POLE: variants seen among roughly 807,000 people sequenced by gnomAD.
The protein encoded by POLE is DNA polymerase epsilon catalytic subunit A.
POLE carries 188 observed loss-of-function variants against 279.2 expected under a neutral mutation model. The observed-to-expected ratio is 0.67, with a 90% CI of 0.60 to 0.76. The LOEUF (loss-of-function observed/expected upper bound fraction) is 0.76, where lower values mean the gene tolerates loss of function less well. POLE is among the 30% of genes least tolerant of loss of function. The probability of loss-of-function intolerance (pLI) is 0.00; values close to 1 mark genes in which losing one functional copy is unlikely to be tolerated. For synonymous variants in POLE, 1,214 were observed against 1,172.5 expected (o/e 1.04, Z -0.72); for missense variants, 2,703 against 3,016.7 (o/e 0.90, Z 2.44).
chr12:132,677,831 C>A, intron 6 of POLE, 112 bp from the exon 7 acceptor site: 1 of 1,035,382 alleles, frequency 9.7e-7, no homozygotes, highest in Non-Finnish European at 1.4e-6. Context: ...CGAGGAAACA[C>A]AAAAGGTAAA....
At chr12:132,655,625 T>C (rs2042515658) in intron 29 of POLE, among the ~76,000 whole-genome samples, 2 of 152,194 alleles carry the variant, frequency 1.3e-5, no homozygotes, top group Admixed American at 1.3e-4. Flanking sequence ...ATTAGGTAAA[T>C]GTTTACATTA....
intron 42 of POLE, among the ~76,000 whole-genome samples, chr12:132,635,414 T>A (rs2042011577): frequency 6.6e-6 from 1 of 152,218 alleles, no homozygotes; most frequent in South Asian, 2.1e-4. Flanking sequence ...TGGTGGGTTA[T>A]CCACATGGGG....
At chr12:132,686,761 G>A (rs896562059) in intron 1 of POLE, among the ~76,000 whole-genome samples, 7 of 151,992 alleles carry the variant, frequency 4.6e-5, no homozygotes, top group Non-Finnish European at 7.4e-5. Flanking sequence ...AGGAGACGAG[G>A]TCTCTCTCTG....
rs1290848650 is a variant in POLE, at chr12:132,664,696, C to T, written c.2469-234G>A. On this transcript the variant is annotated intron_variant, in intron 21 of 48. Coordinates refer to ENST00000320574, the MANE Select transcript of POLE (RefSeq NM_006231.4). This position sits in a 1 kb window ranked among gnomAD's most constrained non-coding sequence, Gnocchi z 5.3. ...TGGAAGGGTGCAGTATGTGCCACTG[C>T]GTCCAGCCGTTCAGGACTCCAGCCT... Among the ~76,000 whole-genome samples the T allele has an allele frequency of 3.3e-5, 5 of 152,178 alleles. No individual in the cohort carries two copies. The highest frequency in any genetic ancestry group is 6.5e-5 in the Admixed American group (1 of 15,270).
Position 132,624,767 on chromosome 12 carries a change from T to C in POLE, c.6791A>G (p.His2264Arg). The change falls in exon 49 of 49, where the codon CAC becomes CGC. Residue 2264 changes from histidine (H) to arginine (R), a missense_variant. Transcript: ENST00000320574. Reference sequence around the variant, plus strand: ...CTCCAGGAGGTACGACATGCCGTAGTGCTGGGCAATGTTCCGGAATATTCC... The same window carrying C: ...CTCCAGGAGGTACGACATGCCGTAGCGCTGGGCAATGTTCCGGAATATTCC... ...QIGIFRNIAQHYGMSYLLETL... is the reference protein window; with the variant it reads ...QIGIFRNIAQRYGMSYLLETL... The C allele has an allele frequency of 6.2e-7, 1 of 1,613,846 alleles. No homozygotes were observed. The highest frequency in any genetic ancestry group is 8.5e-7 in the Non-Finnish European group (1 of 1,179,696).
At position 132,641,857 on chromosome 12, in the gene POLE, C is replaced by T. The variant is rs770466844; in HGVS notation, c.5174-6G>A. 2 of 1,598,936 alleles carry T rather than the reference C, an allele frequency of 1.3e-6. No individual in the cohort carries two copies. The highest frequency in any genetic ancestry group is 1.7e-6 in the Non-Finnish European group (2 of 1,179,634). On this transcript the variant is annotated splice_region_variant and splice_polypyrimidine_tract_variant and intron_variant, in intron 38 of 48. Transcript: ENST00000320574. ...AAGGTCCAGCTCCACACACACTGCA[C>T]AGGAAGACGCCATGCTCAGCCAGCA... is the stretch of plus-strand genomic sequence containing the variant.
rs376933346 is a variant in POLE, at chr12:132,668,968, C to T, written c.1795-29G>A. ...CAGAGAAAGCGAAACTCAGTAGAGG[C>T]TGGTGACCAAGCTTGCCTCGTGTGC... On this transcript the variant is annotated intron_variant, in intron 16 of 48. Coordinates refer to ENST00000320574, the MANE Select transcript of POLE (RefSeq NM_006231.4). This position sits in a 1 kb window ranked among gnomAD's most constrained non-coding sequence, Gnocchi z 4.0. 227 of 1,606,272 alleles carry T rather than the reference C, an allele frequency of 1.4e-4. No individual in the cohort carries two copies. Among genetic ancestry groups the T allele is most frequent in the African/African-American group, 2.1e-4 (16 of 74,782 alleles).
In POLE at chr12:132,674,541, G is replaced by T. The variant is rs138193683; in HGVS notation, c.1227-834C>A. On this transcript the variant is annotated intron_variant, in intron 12 of 48. Transcript: ENST00000320574. ...TCTCTACCCATTCCCTGTCTCCACG[G>T]ATGGCACAAAAACCCCAGGTGCCAA... Among the ~76,000 whole-genome samples, 9 of 152,200 alleles carry T rather than the reference G, an allele frequency of 5.9e-5. No individual in the cohort carries two copies. The East Asian group carries it at 1.7e-3, about 29-fold the overall frequency.
rs2138597281 is a variant in POLE at position 132,648,974 on chromosome 12, C to CA, written c.4103dup (p.Asn1369GlufsTer6). The CA allele has an allele frequency of 4.3e-6, 7 of 1,614,074 alleles. No individual in the cohort carries two copies. Among genetic ancestry groups the CA allele is most frequent in the Non-Finnish European group, 5.9e-6 (7 of 1,179,946 alleles). On this transcript the variant is annotated frameshift_variant, in exon 32 of 49. Transcript: ENST00000320574. LOFTEE classifies it high-confidence loss of function. ...CCTCCGCTTTAGCGACTCGCTGGTT[C>CA]ACGTAGAACACACGGGGGATGCTCA...
At chr12:132,659,219 C>G (rs5744865) in intron 26 of POLE, 76 bp downstream of exon 26, 12 of 1,459,762 alleles carry the variant, frequency 8.2e-6, no homozygotes, top group South Asian at 5.0e-5. Flanking sequence ...GCCCTCACCT[C>G]TCCGTGACGG....
At chr12:132,643,105 C>A in intron 35 of POLE, 109 bp from the exon 36 acceptor site, 2 of 1,464,874 alleles carry the variant, frequency 1.4e-6, no homozygotes, top group East Asian at 2.4e-5. Context: ...TCACGACAAG[C>A]ACTCATGGGC....
At chr12:132,632,098 T>TAC (rs1184508256) in intron 45 of POLE, among the ~76,000 whole-genome samples, 2 of 152,072 alleles carry the variant, frequency 1.3e-5, no homozygotes, top group East Asian at 3.9e-4. Flanking sequence ...ACCCTGACCC[T>TAC]ACACATGTAG....
rs1466900180 is a variant in POLE at position 132,634,493 on chromosome 12, G to A, written c.5812-115C>T. ...GTCCATCTGCCCCGTTTGACCAGAGGCCTTCCTCGCAGTCAAGGCATCCCC... is the reference window on the plus strand; with the variant it reads ...GTCCATCTGCCCCGTTTGACCAGAGACCTTCCTCGCAGTCAAGGCATCCCC... On this transcript the variant is annotated intron_variant, in intron 42 of 48. Coordinates refer to ENST00000320574, the MANE Select transcript of POLE (RefSeq NM_006231.4). This position sits in a 1 kb window ranked among gnomAD's most constrained non-coding sequence, Gnocchi z 4.0. 1.0e-6 allele frequency: 1 copy of A among 997,430 alleles called. No homozygotes were observed. The highest frequency in any genetic ancestry group is 2.2e-5 in the Admixed American group (1 of 45,536). The allele number at this position is 997,430 out of a possible 1,614,324, so 61.8% of individuals were successfully genotyped here. A position where few individuals can be genotyped will look rare whatever the true frequency, so the allele number is the denominator to read the frequency against.
chr12:132,642,773 C>A (rs751134678), intron 36 of POLE, 44 bp from the exon 37 acceptor site: 1 of 1,613,334 alleles, frequency 6.2e-7, no homozygotes, highest in Non-Finnish European at 8.5e-7. Flanking sequence ...GTGGACCCAG[C>A]CTCAAAGAAG....
intron 27 of POLE, 88 bp from the exon 28 acceptor site, chr12:132,657,517 C>T (rs1433235582): frequency 1.5e-5 from 16 of 1,090,882 alleles, no homozygotes. Flanking sequence ...GGGCTAACCA[C>T]TGTGTCTTAT....
chr12:132,632,975 T>A, intron 43 of POLE, 180 bp from the exon 44 acceptor site: 1 of 633,930 alleles, frequency 1.6e-6, no homozygotes, highest in Non-Finnish European at 2.6e-6. Context: ...GAAGTGGAAA[T>A]GAGAAGGAAC....
At chr12:132,656,732 A>G (rs2042548134) in intron 29 of POLE, among the ~76,000 whole-genome samples, 1 of 152,244 alleles carries the variant, frequency 6.6e-6, no homozygotes, top group Non-Finnish European at 1.5e-5. Context: ...TCAGCATTTA[A>G]GAATTTTCCT....
chr12:132,643,519 C>T lies in POLE; in HGVS notation c.4332G>A (p.Val1444=), dbSNP rs2042204426. 2.5e-6 allele frequency: 4 copies of T among 1,614,210 alleles called. No homozygotes were observed. Among genetic ancestry groups the T allele is most frequent in the South Asian group, 2.2e-5 (2 of 91,086 alleles). Residue 1444 remains valine, a synonymous_variant, in exon 34 of 49, where the codon GTG becomes GTA. Coordinates refer to ENST00000320574, the MANE Select transcript of POLE (RefSeq NM_006231.4). ...TCACCAGCTGTTTATTGACCACACA[C>T]ACACAGCCCAGGTGCACCAGGGCCC... ...LFRALVHLGC[V]CVVNKQLVRH... is the part of the protein sequence containing the mutation.
chr12:132,667,476 CA>C, intron 20 of POLE, 26 bp downstream of exon 20: 1 of 1,611,932 alleles, frequency 6.2e-7, no homozygotes, highest in Non-Finnish European at 8.5e-7. Flanking sequence ...TCACAGAGGC[CA>C]AAGCTTGCAG....
Sources: gnomAD v4.1 joint callset for allele counts (sites outside exome capture counted in the v4.1 genomes callset) on GRCh38, gnomAD v4.1.1 for gene constraint, Gnocchi (gnomAD v3.1) non-coding constraint, MANE v1.5 for transcripts, NCBI Gene and HGNC (gene_info 2026-07-23, HGNC 2026-07-21) for gene names.